CDH7: variants seen among roughly 807,000 people sequenced by gnomAD.
CDH7 encodes cadherin-7.
In CDH7, 25 loss-of-function variants were observed where a neutral mutation model predicts 71.8. The observed-to-expected ratio is 0.35, with a 90% CI of 0.25 to 0.49. The LOEUF (loss-of-function observed/expected upper bound fraction) is 0.49. CDH7 is among the 20% of genes least tolerant of loss of function. The pLI is 0.99. For synonymous variants in CDH7, 381 were observed against 363.8 expected (o/e 1.05, Z -0.54); for missense variants, 862 against 974.6 (o/e 0.88, Z 1.54).
intron 6 of CDH7, 50 bp from the exon 7 acceptor site, chr18:65,843,762 T>C (rs753170617): frequency 6.9e-7 from 1 of 1,453,006 alleles, no homozygotes; most frequent in Non-Finnish European, 9.1e-7. Flanking sequence ...GGCTCTGCTT[T>C]GCTGACTGTT....
chr18:65,840,572 C>A (rs1912693983), intron 6 of CDH7, among the ~76,000 whole-genome samples: 1 of 152,022 alleles, frequency 6.6e-6, no homozygotes, highest in African/African-American at 2.4e-5. Flanking sequence ...AGGTGGTTTC[C>A]CCCCATACTG....
chr18:65,777,488 T>C (rs534599497), intron 2 of CDH7, among the ~76,000 whole-genome samples: 28 of 152,060 alleles, frequency 1.8e-4, no homozygotes, highest in African/African-American at 6.3e-4. Context: ...GCGAAGCAAA[T>C]TTATCCACTC....
intron 7 of CDH7, among the ~76,000 whole-genome samples, chr18:65,845,340 T>C (rs930979011): frequency 2.0e-5 from 3 of 152,116 alleles, no homozygotes; most frequent in Admixed American, 6.6e-5. Flanking sequence ...TTGATGATTA[T>C]ACTGTTTTTA....
chr18:65,787,029 T>C (rs1056743370), intron 2 of CDH7, among the ~76,000 whole-genome samples: 2 of 152,140 alleles, frequency 1.3e-5, no homozygotes, highest in Admixed American at 1.3e-4. Flanking sequence ...ACTTTTTTTT[T>C]TCCCTGACAC....
Position 65,887,845 on chromosome 18 carries a change from T to C in CDH7, c.*6951T>C, listed in dbSNP as rs192227573. 8.5e-5 allele frequency: 13 copies of C among 152,292 alleles called. No homozygotes were observed. In the East Asian group the frequency reaches 1.7e-3, roughly 20 times the overall value. 9.4% of individuals were successfully genotyped at this position (152,292 alleles called of 1,614,324 possible). ...TTCTCAAATTTAGAGGAACGAACAA[T>C]TCACATTAGTAAAACACACAGCATT... On this transcript the variant is annotated 3_prime_UTR_variant, in exon 12 of 12. Transcript: ENST00000397968.
chr18:65,794,748 G>A (rs1382754910), intron 2 of CDH7, among the ~76,000 whole-genome samples: 1 of 152,088 alleles, frequency 6.6e-6, no homozygotes, highest in African/African-American at 2.4e-5. Flanking sequence ...GCACACTCAG[G>A]GCGGTGTGGG....
rs1195861237 is a variant in CDH7, at chr18:65,782,072, TTC to T, written c.210+19022_210+19023del. ...TTCCTTCCTTCCTTCCTTTCTTTCT[TTC>T]TTTCTTTCCTTCCTTCCTTCCTTCC... On this transcript the variant is annotated intron_variant, in intron 2 of 11. Transcript: ENST00000397968. Among the ~76,000 whole-genome samples, 12 of 65,494 alleles carry T rather than the reference TTC, an allele frequency of 1.8e-4. 3 individuals are homozygous for T. Among genetic ancestry groups the T allele is most frequent in the African/African-American group, 2.7e-4 (2 of 7,410 alleles). 43.0% of individuals were successfully genotyped at this position (65,494 alleles called of 152,430 possible).
intron 2 of CDH7, among the ~76,000 whole-genome samples, chr18:65,799,490 A>C (rs1025666516): frequency 6.6e-6 from 1 of 152,090 alleles, no homozygotes; most frequent in Non-Finnish European, 1.5e-5. Flanking sequence ...ATCCTGGCTA[A>C]AGAGGTGAAA....
At chr18:65,858,849 G>T (rs1913458315) in intron 8 of CDH7, 76 bp from the exon 9 acceptor site, 3 of 1,421,706 alleles carry the variant, frequency 2.1e-6, no homozygotes, top group South Asian at 1.2e-5. Flanking sequence ...TTCATTCTCA[G>T]CTTCGTCATT....
chr18:65,864,388 T>G (rs1402706258), intron 11 of CDH7, among the ~76,000 whole-genome samples: 4 of 151,890 alleles, frequency 2.6e-5, no homozygotes, highest in African/African-American at 9.6e-5. Flanking sequence ...TTTTGTTTGT[T>G]TGTTTTTTGT....
chr18:65,863,168 G>A (rs1236793873), intron 11 of CDH7: 6 of 529,150 alleles, frequency 1.1e-5, no homozygotes, highest in Admixed American at 3.3e-5. Context: ...CTCCCGAGTA[G>A]CTGGGATTAC....
intron 10 of CDH7, 29 bp from the exon 11 acceptor site, chr18:65,862,637 G>T (rs1249220610): frequency 2.5e-6 from 4 of 1,607,244 alleles, no homozygotes; most frequent in Non-Finnish European, 3.4e-6. Flanking sequence ...CAGAAATCTG[G>T]TGTTATACAT....
intron 3 of CDH7, among the ~76,000 whole-genome samples, chr18:65,811,970 T>TC (rs1363257833): frequency 1.6e-4 from 21 of 130,200 alleles, no homozygotes; most frequent in African/African-American, 6.5e-4. Context: ...TCTTTTCTTT[T>TC]TTTTTTTTTT....
At chr18:65,826,550 T>G (rs543007193) in intron 6 of CDH7, among the ~76,000 whole-genome samples, 2,164 of 80,756 alleles carry the variant, frequency 0.027, 40 homozygotes, top group African/African-American at 0.067. Flanking sequence ...ATCCAAACTT[T>G]TACAAAGTCT....
intron 6 of CDH7, among the ~76,000 whole-genome samples, chr18:65,843,000 A>G (rs1912792721): frequency 6.6e-6 from 1 of 152,126 alleles, no homozygotes. Flanking sequence ...GAAGCATGTT[A>G]TTGTCACAAA....
chr18:65,861,200 T>C (rs986963029), intron 10 of CDH7, among the ~76,000 whole-genome samples: 1 of 152,150 alleles, frequency 6.6e-6, no homozygotes, highest in Admixed American at 6.6e-5. Flanking sequence ...TGACTGTACC[T>C]TGAAGGAAAA....
At chr18:65,831,683 G>A (rs1333051990) in intron 6 of CDH7, among the ~76,000 whole-genome samples, 1 of 151,922 alleles carries the variant, frequency 6.6e-6, no homozygotes, top group Non-Finnish European at 1.5e-5. Flanking sequence ...ACAGGAATCT[G>A]CAGAACAATA....
Position 65,880,649 on chromosome 18 carries a change from G to C in CDH7, c.2113G>C (p.Val705Leu), listed in dbSNP as rs1280107579. 17 of 1,613,834 alleles carry C rather than the reference G, an allele frequency of 1.1e-5. No homozygotes were observed. Among genetic ancestry groups the C allele is most frequent in the Non-Finnish European group, 1.4e-5 (17 of 1,179,998 alleles). Residue 705 changes from valine to leucine, a missense_variant, in exon 12 of 12, where the codon GTC becomes CTC. By Grantham distance (32) the Val-to-Leu change is conservative. Coordinates refer to ENST00000397968, the MANE Select transcript of CDH7 (RefSeq NM_004361.5). ...AGCTTTTAAAAGCATCCCAGATAAT[G>C]TCATCTTTAGGGAATTTATTTGGGA... The part of the protein sequence containing the change: ...RPAFKSIPDN[V>L]IFREFIWERL...
chr18:65,850,172 T>A (rs201888530), intron 7 of CDH7, among the ~76,000 whole-genome samples: 20 of 52,678 alleles, frequency 3.8e-4, no homozygotes, highest in Admixed American at 6.4e-4. Context: ...ACACTATATA[T>A]AATATATATA....
Sources: allele counts gnomAD v4.1 joint callset (sites outside exome capture counted in the v4.1 genomes callset), GRCh38; gene constraint gnomAD v4.1.1; transcripts MANE v1.5; gene names NCBI Gene and HGNC (gene_info 2026-07-23, HGNC 2026-07-21).